The following RIOK1 variants were observed in gnomAD, a reference collection of about 807,000 sequenced individuals.
RIOK1 encodes RIO kinase 1.
RIOK1 carries 66 observed loss-of-function variants against 73.5 expected under a neutral mutation model. The ratio of observed to expected loss-of-function variants is 0.90; its 90% CI spans 0.74 to 1.10. The LOEUF (loss-of-function observed/expected upper bound fraction) is 1.10. Ranked by LOEUF, RIOK1 falls within the 50% of genes least tolerant of loss-of-function variation. The pLI is 0.00. For missense variants in RIOK1, 658 were observed against 699.8 expected (o/e 0.94, Z 0.67); for synonymous variants, 224 against 226.8 (o/e 0.99, Z 0.11).
intron 1 of RIOK1, among the ~76,000 whole-genome samples, chr6:7,390,636 A>G (rs1051844569): frequency 6.6e-6 from 1 of 152,246 alleles, no homozygotes; most frequent in Non-Finnish European, 1.5e-5. Flanking sequence ...AGGGAACAGC[A>G]TTTCACACAG....
chr6:7,413,921 T>C (rs1761941894), intron 15 of RIOK1, among the ~76,000 whole-genome samples: 1 of 152,174 alleles, frequency 6.6e-6, no homozygotes, highest in Admixed American at 6.5e-5. Context: ...CTATGTATAT[T>C]TTGCCTCTTT....
In RIOK1 at chr6:7,411,405, T is replaced by C. The variant is rs757891493; in HGVS notation, c.1343T>C (p.Met448Thr). Residue 448 changes from methionine to threonine, a missense_variant, in exon 14 of 17, where the codon ATG becomes ACG. Physicochemically the swap from Met to Thr is moderately conservative, Grantham distance 81. Transcript: ENST00000379834. ...TATGAGAGGGATATGGACATAATTA[T>C]GAAATTGAAGGAAGAGGACATGGCC... ...KNYERDMDII[M>T]KLKEEDMAMN... is the part of the protein sequence containing the mutation. The C allele has an allele frequency of 6.2e-7, 1 of 1,614,038 alleles. No homozygotes were observed. The highest frequency in any genetic ancestry group is 8.5e-7 in the Non-Finnish European group (1 of 1,179,880).
At chr6:7,392,477 G>C (rs1373348312) in intron 1 of RIOK1, among the ~76,000 whole-genome samples, 1 of 151,538 alleles carries the variant, frequency 6.6e-6, no homozygotes, top group East Asian at 1.9e-4. Context: ...TTCAAAGTAA[G>C]ACTGCCTTAG....
In RIOK1 at chr6:7,401,032, C is replaced by T. The variant is rs201608610; in HGVS notation, c.555C>T (p.Cys185=). ...GAATCATAACAGAGATAAATGGCTG[C>T]ATTAGCACAGGAAAAGAAGTGAGCT... ...TRGIITEING[C]ISTGKEANVY... The change falls in exon 6 of 17, where the codon TGC becomes TGT. Residue 185 remains cysteine (C), a synonymous_variant. Transcript: ENST00000379834. The T allele has an allele frequency of 5.6e-6, 9 of 1,602,406 alleles. No homozygotes were observed. Among genetic ancestry groups the T allele is most frequent in the South Asian group, 1.1e-5 (1 of 89,974 alleles).
intron 1 of RIOK1, 90 bp from the exon 2 acceptor site, chr6:7,393,009 A>G (rs1417579989): frequency 8.9e-6 from 12 of 1,346,380 alleles, no homozygotes; most frequent in East Asian, 2.5e-5. Context: ...AGATTTATCA[A>G]TATTTTAATA....
intron 9 of RIOK1, among the ~76,000 whole-genome samples, 159 bp downstream of exon 9, chr6:7,404,186 C>T (rs1370973624): frequency 6.6e-6 from 1 of 152,140 alleles, no homozygotes; most frequent in African/African-American, 2.4e-5. Context: ...CTTTTCAAGT[C>T]TGAAAATGCT....
intron 12 of RIOK1, among the ~76,000 whole-genome samples, chr6:7,407,783 A>G (rs1473570035): frequency 6.6e-6 from 1 of 151,396 alleles, no homozygotes; most frequent in Non-Finnish European, 1.5e-5. Context: ...CATGAGCCAC[A>G]GTGTCCAGCC....
At chr6:7,391,209 GA>G (rs1166110826) in intron 1 of RIOK1, among the ~76,000 whole-genome samples, 3 of 152,166 alleles carry the variant, frequency 2.0e-5, no homozygotes, top group Non-Finnish European at 4.4e-5. Context: ...TATGTATGTT[GA>G]ATGCTTTCTG....
At chr6:7,416,115 T>A (rs983535938) in intron 16 of RIOK1, among the ~76,000 whole-genome samples, 5 of 152,212 alleles carry the variant, frequency 3.3e-5, no homozygotes, top group Non-Finnish European at 7.3e-5. Flanking sequence ...CTGAGTGCTA[T>A]GTGACTATTA....
At chr6:7,416,548 T>TGAGGCAGGAGAATGGCGTG (rs1241920240) in intron 16 of RIOK1, among the ~76,000 whole-genome samples, 1 of 149,982 alleles carries the variant, frequency 6.7e-6, no homozygotes, top group Non-Finnish European at 1.5e-5. Context: ...CTTGGGAGGC[T>TGAGGCAGGAGAATGGCGTG]GAGGCAGGAG....
chr6:7,397,938 G>A (rs1761513893), intron 4 of RIOK1, among the ~76,000 whole-genome samples: 2 of 152,118 alleles, frequency 1.3e-5, no homozygotes, highest in Non-Finnish European at 2.9e-5. Context: ...TCAGGAGATC[G>A]AGACCATCTT....
At position 7,404,018 on chromosome 6, in the gene RIOK1, A is replaced by G; in HGVS notation, c.845A>G (p.Lys282Arg). Reference sequence around the variant, plus strand: ...GTTCTTGTCATGAGTTTCATCGGTAAAGATGACATGTAAGTACATGGAAGG... The same window carrying G: ...GTTCTTGTCATGAGTTTCATCGGTAGAGATGACATGTAAGTACATGGAAGG... ...SHVLVMSFIG[K>R]DDMPAPLLKN... is the part of the protein sequence containing the mutation. Residue 282 changes from lysine (K) to arginine (R), a missense_variant, in exon 9 of 17, where the codon AAA becomes AGA. By Grantham distance (26) the Lys-to-Arg change is conservative. Transcript: ENST00000379834. 1 of 1,604,870 alleles carries G rather than the reference A, an allele frequency of 6.2e-7. No individual in the cohort carries two copies. Among genetic ancestry groups the G allele is most frequent in the Admixed American group, 1.7e-5 (1 of 60,010 alleles).
chr6:7,393,101 A>G lies in RIOK1; in HGVS notation c.74A>G (p.Glu25Gly). ...TAATAAAACATTGTTATTTCTAGTG[A>G]AAACAGAGACTTGAAGACAGTCAAA... is the stretch of plus-strand genomic sequence containing the variant. ...QFDDADSSDS[E>G]NRDLKTVKEK... Residue 25 changes from glutamate to glycine, a missense_variant and splice_region_variant, in exon 2 of 17, where the codon GAA (glutamate) becomes GGA (glycine). Glu to Gly is a moderately conservative substitution (Grantham distance 98). Transcript: ENST00000379834. The G allele has an allele frequency of 6.2e-7, 1 of 1,612,774 alleles. No homozygotes were observed. The highest frequency in any genetic ancestry group is 8.5e-7 in the Non-Finnish European group (1 of 1,178,984).
At chr6:7,415,064 G>A (rs1013152130) in intron 16 of RIOK1, among the ~76,000 whole-genome samples, 8 of 152,150 alleles carry the variant, frequency 5.3e-5, no homozygotes, top group African/African-American at 1.9e-4. Flanking sequence ...AATAATGACC[G>A]TAAATTACAG....
chr6:7,393,352 A>G (rs750408937), intron 2 of RIOK1, 49 bp downstream of exon 2: 13 of 1,492,474 alleles, frequency 8.7e-6, no homozygotes, highest in Middle Eastern at 1.7e-4. Flanking sequence ...GCTTATGTCT[A>G]CTTTTTTAAA....
rs150425917 is a variant in RIOK1 at position 7,396,892 on chromosome 6, GGTGTGT to G, written c.437+143_437+148del. ...GTATACTTAAACCAATCATTATTTT[GGTGTGT>G]GTGTGTGTGTGTGTGTGTGTGTTTT... On this transcript the variant is annotated intron_variant, in intron 4 of 16. Transcript: ENST00000379834. 165 of 416,540 alleles carry G rather than the reference GGTGTGT, an allele frequency of 4.0e-4. 1 individual carries two copies. The highest frequency in any genetic ancestry group is 3.7e-3 in the South Asian group (72 of 19,642). The allele number at this position is 416,540 out of a possible 1,614,324, so 25.8% of individuals were successfully genotyped here. A position where few individuals can be genotyped will look rare whatever the true frequency, so the allele number is the denominator to read the frequency against.
At chr6:7,415,462 C>T (rs971500431) in intron 16 of RIOK1, among the ~76,000 whole-genome samples, 2 of 152,088 alleles carry the variant, frequency 1.3e-5, no homozygotes, top group Admixed American at 1.3e-4. Context: ...ATCTTTTATC[C>T]GTGACATTGT....
At position 7,411,238 on chromosome 6, in the gene RIOK1, T is replaced by C. The variant is rs1761875784; in HGVS notation, c.1270-94T>C. The C allele has an allele frequency of 3.7e-6, 5 of 1,352,568 alleles. No individual in the cohort carries two copies. The Admixed American group carries it at 7.5e-5, about 20-fold the overall frequency. 83.8% of individuals were successfully genotyped at this position (1,352,568 alleles called of 1,614,324 possible). On this transcript the variant is annotated intron_variant, in intron 13 of 16. Coordinates refer to ENST00000379834, the MANE Select transcript of RIOK1 (RefSeq NM_031480.3). ...CATCAGTGTTAGGGATGAATGAATATATAGATTCCCCTGTAACCTGATGGA... is the reference window on the plus strand; with the variant it reads ...CATCAGTGTTAGGGATGAATGAATACATAGATTCCCCTGTAACCTGATGGA...
Position 7,406,963 on chromosome 6 carries a change from A to G in RIOK1, c.1203+1608A>G, listed in dbSNP as rs374451916. 7.0e-4 allele frequency among the ~76,000 whole-genome samples: 106 copies of G among 152,326 alleles called. 2 individuals are homozygous for G. In the South Asian group the frequency reaches 0.022, roughly 31 times the overall value. ...AGACATGAGTCACCACGCCTGGCCT[A>G]GGATTTCTTCTTTTAAGGCTGAATA... On this transcript the variant is annotated intron_variant, in intron 12 of 16. Coordinates refer to ENST00000379834, the MANE Select transcript of RIOK1 (RefSeq NM_031480.3).
Sources: gnomAD v4.1 joint callset for allele counts (sites outside exome capture counted in the v4.1 genomes callset) on GRCh38, gnomAD v4.1.1 for gene constraint, MANE v1.5 for transcripts, NCBI Gene and HGNC (gene_info 2026-07-23, HGNC 2026-07-21) for gene names.